The following SGO2 variants were observed in gnomAD, a reference collection of about 807,000 sequenced individuals.
SGO2 encodes the protein shugoshin-like 2.
Under a neutral mutation model 99.5 loss-of-function variants are expected in SGO2, and 68 were observed. The ratio of observed to expected loss-of-function variants is 0.68; its 90% CI spans 0.56 to 0.84. The LOEUF (loss-of-function observed/expected upper bound fraction) is 0.84. Among genes scored for constraint, SGO2 ranks in the 40% least tolerant of loss-of-function variants. The probability of loss-of-function intolerance (pLI) is 0.00; values close to 1 mark genes in which losing one functional copy is unlikely to be tolerated. For missense variants in SGO2, 1,350 were observed against 1,436.7 expected, an observed-to-expected ratio of 0.94 and a Z score of 0.97; for synonymous variants, 457 against 487.1, an observed-to-expected ratio of 0.94 and a Z score of 0.81.
chr2:200,541,442 T>C (rs2031952802), intron 4 of SGO2, among the ~76,000 whole-genome samples: 2 of 152,166 alleles, frequency 1.3e-5, no homozygotes. Flanking sequence ...CTATGGAAAC[T>C]CCAATAATAG....
chr2:200,564,932 C>T (rs2033127327), intron 5 of SGO2, among the ~76,000 whole-genome samples: 1 of 152,112 alleles, frequency 6.6e-6, no homozygotes, highest in African/African-American at 2.4e-5. Flanking sequence ...TCCTCCATCC[C>T]TTTATTTTGA....
chr2:200,565,737 A>G (rs1388045633), intron 5 of SGO2, among the ~76,000 whole-genome samples: 2 of 152,060 alleles, frequency 1.3e-5, no homozygotes, highest in Non-Finnish European at 2.9e-5. Context: ...ATAGTCCCAT[A>G]TTTCTTGGAG....
intron 5 of SGO2, among the ~76,000 whole-genome samples, chr2:200,552,070 G>A (rs1407475974): frequency 3.9e-5 from 6 of 151,950 alleles, no homozygotes; most frequent in East Asian, 1.9e-4. Flanking sequence ...CAGGGACAAC[G>A]GACATTTTAT....
chr2:200,578,655 C>T (rs2033743129), intron 8 of SGO2, among the ~76,000 whole-genome samples: 1 of 152,158 alleles, frequency 6.6e-6, no homozygotes, highest in Non-Finnish European at 1.5e-5. Flanking sequence ...ACTTCAAAGC[C>T]AGCTGTGGAG....
chr2:200,580,436 TTCA>T, intron 8 of SGO2: 1 of 421,578 alleles, frequency 2.4e-6, no homozygotes, highest in Non-Finnish European at 4.7e-6. Flanking sequence ...TGACTTCTGC[TTCA>T]TATTTATTAT....
intron 5 of SGO2, among the ~76,000 whole-genome samples, chr2:200,558,364 G>A (rs1011954322): frequency 2.6e-5 from 4 of 151,680 alleles, no homozygotes; most frequent in African/African-American, 2.4e-5. Context: ...TTTATCAAAC[G>A]CTTTTTCTGT....
chr2:200,573,020 G>A lies in SGO2; in HGVS notation c.2674G>A (p.Asp892Asn). The change falls in exon 7 of 9, where the codon GAT becomes AAT. Residue 892 changes from aspartate (D) to asparagine (N), a missense_variant. Asp to Asn is a conservative substitution (Grantham distance 23). Transcript: ENST00000357799. ...ATTGGAGTTGAAAAAGTATGTTACT[G>A]ATAGGAAATCTGCTGAGCAAAATGA... Reference protein sequence around the residue: ...NILELKKYVTDRKSAEQNESK... With the variant: ...NILELKKYVTNRKSAEQNESK... 6.4e-7 allele frequency: 1 copy of A among 1,570,920 alleles called. No homozygotes were observed. Among genetic ancestry groups the A allele is most frequent in the South Asian group, 1.2e-5 (1 of 82,090 alleles).
chr2:200,528,140 T>G (rs904848869), intron 1 of SGO2, among the ~76,000 whole-genome samples: 1 of 152,202 alleles, frequency 6.6e-6, no homozygotes, highest in Non-Finnish European at 1.5e-5. Flanking sequence ...AAGAGAAGTG[T>G]CAAATTGTAT....
chr2:200,558,099 G>A (rs1415070104), intron 5 of SGO2, among the ~76,000 whole-genome samples: 7 of 152,062 alleles, frequency 4.6e-5, no homozygotes, highest in South Asian at 2.1e-4. Flanking sequence ...CTTGAACCTC[G>A]TGATCTGTCC....
intron 4 of SGO2, 62 bp downstream of exon 4, chr2:200,536,204 C>T: frequency 2.0e-6 from 2 of 1,017,208 alleles, no homozygotes; most frequent in Non-Finnish European, 2.9e-6. Context: ...ACTGAGATTA[C>T]TTAAATAACA....
rs1053334184 is a variant in SGO2, at chr2:200,533,243, T to C, written c.133+135T>C. The C allele has an allele frequency of 3.1e-6, 3 of 960,264 alleles. No individual in the cohort carries two copies. In the African/African-American group the frequency reaches 5.1e-5, roughly 16 times the overall value. 59.5% of individuals were successfully genotyped at this position (960,264 alleles called of 1,614,324 possible). A position where few individuals can be genotyped will look rare whatever the true frequency, so the allele number is the denominator to read the frequency against. On this transcript the variant is annotated intron_variant, in intron 2 of 8. Transcript: ENST00000357799. ...TTGTTAACTGATAACTTTTTAAATT[T>C]GATCCTTCCTATCTCCTTCAACTCC...
intron 5 of SGO2, among the ~76,000 whole-genome samples, chr2:200,566,434 T>G (rs1172709846): frequency 2.0e-5 from 3 of 152,198 alleles, no homozygotes; most frequent in African/African-American, 7.2e-5. Context: ...CTCTGGAAGC[T>G]TCATCTCAGA....
chr2:200,581,949 A>T (rs1177516348), intron 8 of SGO2, among the ~76,000 whole-genome samples: 1 of 152,198 alleles, frequency 6.6e-6, no homozygotes, highest in East Asian at 1.9e-4. Context: ...GAAGAGGAGT[A>T]CGAAGGAGTG....
At chr2:200,581,622 G>A (rs965920779) in intron 8 of SGO2, among the ~76,000 whole-genome samples, 3 of 152,040 alleles carry the variant, frequency 2.0e-5, no homozygotes, top group Admixed American at 1.3e-4. Context: ...TAATTAGGAT[G>A]TACTTTCATG....
chr2:200,562,235 A>G (rs1221987707), intron 5 of SGO2, among the ~76,000 whole-genome samples: 1 of 152,114 alleles, frequency 6.6e-6, no homozygotes, highest in East Asian at 1.9e-4. Context: ...ATTTTTGTAT[A>G]AGGTGTAAGG....
rs947387176 is a variant in SGO2 at position 200,575,600 on chromosome 2, G to T, written c.3782+139G>T. Reference sequence around the variant, plus strand: ...TATGTAACAACCACAGTATGATTTGGGTAAGAGTTGAAGAAATATGTCCTT... The same window carrying T: ...TATGTAACAACCACAGTATGATTTGTGTAAGAGTTGAAGAAATATGTCCTT... On this transcript the variant is annotated intron_variant, in intron 8 of 8. Transcript: ENST00000357799. 14 of 591,066 alleles carry T rather than the reference G, an allele frequency of 2.4e-5. 1 individual carries two copies. In the South Asian group the frequency reaches 5.2e-4, roughly 22 times the overall value. 36.6% of individuals were successfully genotyped at this position (591,066 alleles called of 1,614,324 possible). A position where few individuals can be genotyped will look rare whatever the true frequency, so the allele number is the denominator to read the frequency against.
intron 1 of SGO2, chr2:200,532,272 G>GTTTTTTTTTTGTTTTTT: frequency 5.3e-6 from 1 of 187,204 alleles, no homozygotes; most frequent in Non-Finnish European, 8.3e-6. Flanking sequence ...AGAGTTTTTT[G>GTTTTTTTTTTGTTTTTT]TTTTTTTTTT....
chr2:200,579,232 T>A (rs1295107143), intron 8 of SGO2, among the ~76,000 whole-genome samples: 1 of 152,258 alleles, frequency 6.6e-6, no homozygotes, highest in Non-Finnish European at 1.5e-5. Flanking sequence ...TATATCTTGT[T>A]ACTTTCTGAA....
chr2:200,574,043 TA>T (rs1393701438), intron 7 of SGO2, 66 bp downstream of exon 7: 12 of 1,311,106 alleles, frequency 9.2e-6, no homozygotes, highest in Non-Finnish European at 1.1e-5. Context: ...TTTCGTTTTT[TA>T]CTTAGCCAGT....
Sources: allele counts gnomAD v4.1 joint callset (sites outside exome capture counted in the v4.1 genomes callset), GRCh38; gene constraint gnomAD v4.1.1; transcripts MANE v1.5; gene names NCBI Gene and HGNC (gene_info 2026-07-23, HGNC 2026-07-21).